Variants in RARS2 observed in about 807,000 individuals in gnomAD.
RARS2 encodes probable arginine--tRNA ligase, mitochondrial.
In RARS2, 67 loss-of-function variants were observed where a neutral mutation model predicts 88.5. That is an observed-to-expected ratio of 0.76 (90% CI 0.62 to 0.93). RARS2 has a LOEUF of 0.93. Among genes scored for constraint, RARS2 ranks in the 40% least tolerant of loss-of-function variants. The pLI, the probability that RARS2 is intolerant of heterozygous loss-of-function variation, is 0.00. For synonymous variants in RARS2, 239 were observed against 230.3 expected (o/e 1.04, Z -0.34); for missense variants, 664 against 684.2 (o/e 0.97, Z 0.33).
intron 1 of RARS2, among the ~76,000 whole-genome samples, chr6:87,587,463 C>CAT (rs1189748268): frequency 2.0e-5 from 3 of 152,174 alleles, no homozygotes; most frequent in Non-Finnish European, 2.9e-5. Flanking sequence ...TATATATCTG[C>CAT]ATAATTTACA....
intron 17 of RARS2, 109 bp from the exon 18 acceptor site, chr6:87,516,989 G>A (rs1439547873): frequency 6.6e-7 from 1 of 1,509,400 alleles, no homozygotes; most frequent in South Asian, 1.2e-5. Flanking sequence ...ATTAAGAGTA[G>A]AAGGTATGGC....
At chr6:87,577,848 A>C (rs548298329) in intron 1 of RARS2, among the ~76,000 whole-genome samples, 1 of 152,310 alleles carries the variant, frequency 6.6e-6, no homozygotes, top group South Asian at 2.1e-4. Flanking sequence ...TTTTTGTAAA[A>C]ACACTACGAA....
At position 87,518,911 on chromosome 6, in the gene RARS2, C is replaced by T; in HGVS notation, c.1238-20G>A. The T allele has an allele frequency of 5.0e-6, 8 of 1,611,940 alleles. No individual in the cohort carries two copies. The highest frequency in any genetic ancestry group is 3.4e-6 in the Non-Finnish European group (4 of 1,178,142). ...TAGTTGCTGAAACAGACAAAGGCAGCTATCTTTAGTCTACATGACACTGTG... is the reference window on the plus strand; with the variant it reads ...TAGTTGCTGAAACAGACAAAGGCAGTTATCTTTAGTCTACATGACACTGTG... On this transcript the variant is annotated intron_variant, in intron 14 of 19. Transcript: ENST00000369536.
chr6:87,526,672 AT>A (rs138481516), intron 10 of RARS2, among the ~76,000 whole-genome samples: 85,205 of 143,862 alleles, frequency 0.59, 25,315 homozygotes, highest in African/African-American at 0.71. Flanking sequence ...GGTCAACTGA[AT>A]TTTTTTTTTT....
chr6:87,519,164 G>GTGTA (rs1554173053), intron 14 of RARS2: 3 of 274,464 alleles, frequency 1.1e-5, no homozygotes, highest in African/African-American at 7.1e-5. Flanking sequence ...ATGTATGTGT[G>GTGTA]TATATATATA....
chr6:87,555,533 G>T (rs1160345770), intron 4 of RARS2, 28 bp from the exon 5 acceptor site: 2 of 1,507,780 alleles, frequency 1.3e-6, no homozygotes, highest in African/African-American at 1.4e-5. Flanking sequence ...GTAATTTAAT[G>T]AACAAAAATT....
At chr6:87,540,951 C>T (rs981290728) in intron 8 of RARS2, among the ~76,000 whole-genome samples, 14 of 151,948 alleles carry the variant, frequency 9.2e-5, no homozygotes, top group African/African-American at 3.1e-4. Context: ...AGAAAAAGAA[C>T]AAAAATACTC....
At chr6:87,519,156 GTA>G (rs1772860085) in intron 14 of RARS2, 3 of 355,388 alleles carry the variant, frequency 8.4e-6, no homozygotes, top group Non-Finnish European at 1.5e-5. Flanking sequence ...ATATATATAT[GTA>G]TGTGTGTATA....
At chr6:87,540,273 C>T (rs1034133640) in intron 8 of RARS2, among the ~76,000 whole-genome samples, 1 of 151,316 alleles carries the variant, frequency 6.6e-6, no homozygotes, top group Non-Finnish European at 1.5e-5. Context: ...CATAGTGAAA[C>T]CCTGTCTCTA....
At chr6:87,516,993 G>C in intron 17 of RARS2, 113 bp from the exon 18 acceptor site, 1 of 1,482,130 alleles carries the variant, frequency 6.7e-7, no homozygotes, top group Non-Finnish European at 9.1e-7. Context: ...AGAGTAGAAG[G>C]TATGGCCAGG....
At chr6:87,557,939 GCTGAGGCAGAAGGATCAC>G (rs1410381982) in intron 4 of RARS2, among the ~76,000 whole-genome samples, 42 of 152,274 alleles carry the variant, frequency 2.8e-4, no homozygotes, top group African/African-American at 1.0e-3. Flanking sequence ...ACTTTGGGAG[GCTGAGGCAGAAGGATCAC>G]CTGAGGACAG....
chr6:87,588,011 G>T (rs1775666858), intron 1 of RARS2, among the ~76,000 whole-genome samples: 1 of 151,918 alleles, frequency 6.6e-6, no homozygotes, highest in South Asian at 2.1e-4. Context: ...TCAGTTCAAG[G>T]GATCCTCCCA....
chr6:87,519,578 T>A lies in RARS2; in HGVS notation c.1237+5A>T. The A allele has an allele frequency of 6.2e-7, 1 of 1,611,186 alleles. No individual in the cohort carries two copies. The highest frequency in any genetic ancestry group is 8.5e-7 in the Non-Finnish European group (1 of 1,177,364). ...ATGACTTTAATAAGAAAAAACTGAATTCACTCTTAATTGAAGCCATGTTCT... is the reference window on the plus strand; with the variant it reads ...ATGACTTTAATAAGAAAAAACTGAAATCACTCTTAATTGAAGCCATGTTCT... On this transcript the variant is annotated splice_donor_5th_base_variant and intron_variant, in intron 14 of 19. Transcript: ENST00000369536.
chr6:87,545,151 G>A (rs919776164), intron 7 of RARS2, among the ~76,000 whole-genome samples: 31 of 152,324 alleles, frequency 2.0e-4, no homozygotes, highest in East Asian at 3.9e-4. Context: ...CACGCTGGGT[G>A]CAGTGGACTG....
intron 5 of RARS2, among the ~76,000 whole-genome samples, chr6:87,553,653 A>G (rs1404237611): frequency 6.6e-6 from 1 of 152,232 alleles, no homozygotes; most frequent in Non-Finnish European, 1.5e-5. Flanking sequence ...AACAATCCCT[A>G]CACTAAGGTT....
At chr6:87,566,737 T>C (rs758917313) in intron 2 of RARS2, among the ~76,000 whole-genome samples, 19 of 151,124 alleles carry the variant, frequency 1.3e-4, no homozygotes, top group South Asian at 2.1e-4. Flanking sequence ...TCCCAGCTAA[T>C]TGACAGGCTG....
chr6:87,542,587 G>T (rs7754550), intron 7 of RARS2, among the ~76,000 whole-genome samples: 9,244 of 150,690 alleles, frequency 0.061, 339 homozygotes, highest in African/African-American at 0.11. Flanking sequence ...TAATTTGACT[G>T]TGTATAATTT....
At chr6:87,562,324 TTG>T (rs1176584244) in intron 4 of RARS2, among the ~76,000 whole-genome samples, 1 of 152,166 alleles carries the variant, frequency 6.6e-6, no homozygotes, top group Non-Finnish European at 1.5e-5. Flanking sequence ...GTACTGAATA[TTG>T]TATGCAACTG....
intron 13 of RARS2, 147 bp downstream of exon 13, chr6:87,520,033 A>G (rs762476718): frequency 4.8e-4 from 376 of 784,760 alleles, no homozygotes; most frequent in Middle Eastern, 3.7e-3. Flanking sequence ...TATTATAACC[A>G]AGACATAATA....
Sources: allele counts gnomAD v4.1 joint callset (sites outside exome capture counted in the v4.1 genomes callset), GRCh38; gene constraint gnomAD v4.1.1; transcripts MANE v1.5; gene names NCBI Gene and HGNC (gene_info 2026-07-23, HGNC 2026-07-21).